GHR: variants seen among roughly 807,000 people sequenced by gnomAD.
GHR encodes growth hormone receptor, also known as GH receptor.
Under a neutral mutation model 67.1 loss-of-function variants are expected in GHR, and 35 were observed. The observed-to-expected ratio is 0.52, with a 90% CI of 0.40 to 0.69. GHR has a LOEUF of 0.69. Ranked by LOEUF, GHR falls within the 30% of genes least tolerant of loss-of-function variation. GHR has a pLI of 0.00. For synonymous variants in GHR, 272 were observed against 269.1 expected (o/e 1.01, Z -0.10); for missense variants, 792 against 764.6 (o/e 1.04, Z -0.42).
rs1758842528 is a variant in GHR at position 42,718,566 on chromosome 5, A to G, written c.1059A>G (p.Pro353=). The change falls in exon 10 of 10, where the codon CCA becomes CCG. Residue 353 remains proline, a synonymous_variant. Transcript: ENST00000230882. ...VEFIELDIDE[P]DEKTEESDTD... ...TTATTGAGCTAGATATTGATGAGCC[A>G]GATGAAAAGACTGAGGAATCAGACA... The G allele has an allele frequency of 1.2e-6, 2 of 1,614,058 alleles. No individual in the cohort carries two copies. Among genetic ancestry groups the G allele is most frequent in the African/African-American group, 2.7e-5 (2 of 74,940 alleles).
intron 1 of GHR, among the ~76,000 whole-genome samples, chr5:42,558,006 A>G (rs1479658632): frequency 1.3e-5 from 2 of 152,196 alleles, no homozygotes; most frequent in Non-Finnish European, 1.5e-5. Flanking sequence ...TAGCTTAAAA[A>G]CAGCCCTGAG....
At position 42,688,907 on chromosome 5, in the gene GHR, A is replaced by G. The variant is rs1757288397; in HGVS notation, c.154A>G (p.Lys52Glu). The G allele has an allele frequency of 1.2e-6, 2 of 1,613,708 alleles. No homozygotes were observed. The highest frequency in any genetic ancestry group is 3.3e-5 in the Admixed American group (2 of 60,000). ...TTCTGCAGATTCTTCTAAGGAGCCT[A>G]AATTCACCAAGTGCCGTTCACCTGA... ...GLKTNSSKEP[K>E]FTKCRSPERE... is the part of the protein sequence containing the mutation. Residue 52 changes from lysine to glutamate, a missense_variant, in exon 4 of 10, where the codon AAA becomes GAA. Lys to Glu is a moderately conservative substitution (Grantham distance 56, BLOSUM62 1). Coordinates refer to ENST00000230882, the MANE Select transcript of GHR (RefSeq NM_000163.5).
chr5:42,718,761 A>G lies in GHR; in HGVS notation c.1254A>G (p.Lys418=). The G allele has an allele frequency of 6.2e-7, 1 of 1,614,150 alleles. No individual in the cohort carries two copies. The highest frequency in any genetic ancestry group is 1.3e-5 in the African/African-American group (1 of 75,028). The change falls in exon 10 of 10, where the codon AAA becomes AAG. Residue 418 remains lysine, a synonymous_variant. Coordinates refer to ENST00000230882, the MANE Select transcript of GHR (RefSeq NM_000163.5). ...AGGTTGCTCAGCCACAGAGGTTAAA[A>G]GGGGAAGCAGATCTCTTATGCCTTG... is the stretch of plus-strand genomic sequence containing the variant. The part of the protein sequence containing the change: ...TSEVAQPQRL[K]GEADLLCLDQ...
Position 42,719,317 on chromosome 5 carries a change from C to G in GHR, c.1810C>G (p.Pro604Ala), listed in dbSNP as rs1758903060. 6.2e-7 allele frequency: 1 copy of G among 1,614,024 alleles called. No homozygotes were observed. The highest frequency in any genetic ancestry group is 1.7e-5 in the Admixed American group (1 of 60,004). The change falls in exon 10 of 10, where the codon CCA becomes GCA. Residue 604 changes from proline (P) to alanine (A), a missense_variant. Physicochemically the swap from Pro to Ala is conservative, Grantham distance 27. Transcript: ENST00000230882. ...DYTSIHIVQS[P>A]QGLILNATAL... ...TACCTCCATTCATATAGTACAGTCC[C>G]CACAGGGCCTCATACTCAATGCGAC...
intron 1 of GHR, among the ~76,000 whole-genome samples, chr5:42,477,295 G>C (rs1263714089): frequency 6.6e-6 from 1 of 152,090 alleles, no homozygotes; most frequent in African/African-American, 2.4e-5. Flanking sequence ...TGGACATTTG[G>C]GTTGGTTCCA....
intron 3 of GHR, among the ~76,000 whole-genome samples, chr5:42,634,265 G>A (rs571633341): frequency 1.3e-5 from 2 of 151,990 alleles, no homozygotes; most frequent in Admixed American, 6.6e-5. Context: ...GGTATTTATT[G>A]TATTCTCTTA....
At chr5:42,525,892 T>C (rs965218962) in intron 1 of GHR, among the ~76,000 whole-genome samples, 12 of 152,246 alleles carry the variant, frequency 7.9e-5, no homozygotes, top group African/African-American at 2.7e-4. Context: ...CTGCCATGAT[T>C]TGGAGGGCTC....
At chr5:42,452,913 G>T (rs1336569998) in intron 1 of GHR, among the ~76,000 whole-genome samples, 2 of 151,976 alleles carry the variant, frequency 1.3e-5, no homozygotes, top group Non-Finnish European at 2.9e-5. Flanking sequence ...ATTTCTTCCT[G>T]GTTCGGATCC....
chr5:42,654,821 C>T (rs929454967), intron 3 of GHR, among the ~76,000 whole-genome samples: 8 of 152,094 alleles, frequency 5.3e-5, no homozygotes, highest in South Asian at 2.1e-4. Flanking sequence ...AGGAAGAGCA[C>T]GTACCTACTC....
Position 42,592,439 on chromosome 5 carries a change from C to T in GHR, c.70+26495C>T, listed in dbSNP as rs565037197. Among the ~76,000 whole-genome samples, 20 of 152,302 alleles carry T rather than the reference C, an allele frequency of 1.3e-4. No homozygotes were observed. The South Asian group carries it at 2.7e-3, about 21-fold the overall frequency. ...CCCATCCTCCACCCCCAAGTGGGTG[C>T]CAGTGTCTATTATTCCCTTATTTGT... is the stretch of plus-strand genomic sequence containing the variant. On this transcript the variant is annotated intron_variant, in intron 2 of 9. Coordinates refer to ENST00000230882, the MANE Select transcript of GHR (RefSeq NM_000163.5).
chr5:42,510,409 G>T (rs1746961164), intron 1 of GHR, among the ~76,000 whole-genome samples: 1 of 152,106 alleles, frequency 6.6e-6, no homozygotes, highest in South Asian at 2.1e-4. Flanking sequence ...GGCCTATAAA[G>T]CCCTTTGTGA....
At chr5:42,609,557 G>A (rs1435699000) in intron 2 of GHR, among the ~76,000 whole-genome samples, 1 of 152,102 alleles carries the variant, frequency 6.6e-6, no homozygotes, top group African/African-American at 2.4e-5. Flanking sequence ...TTGGTTCCTA[G>A]CTGTTGGGTA....
intron 1 of GHR, among the ~76,000 whole-genome samples, chr5:42,439,596 G>T (rs1382978057): frequency 6.6e-6 from 1 of 152,208 alleles, no homozygotes; most frequent in Non-Finnish European, 1.5e-5. Context: ...TTTATCTAAA[G>T]ATGGACACTG....
rs1308494632 is a variant in GHR, at chr5:42,712,067, A to G, written c.784+695A>G. 2.0e-5 allele frequency among the ~76,000 whole-genome samples: 3 copies of G among 152,168 alleles called. No individual in the cohort carries two copies. In the East Asian group the frequency reaches 5.8e-4, roughly 29 times the overall value. ...CTGATTAATGATGAGCAGAAAGTAT[A>G]GAGTATTATTATTCTCAAATGGGAA... On this transcript the variant is annotated intron_variant, in intron 7 of 9. Coordinates refer to ENST00000230882, the MANE Select transcript of GHR (RefSeq NM_000163.5).
chr5:42,450,533 T>C (rs1022884730), intron 1 of GHR, among the ~76,000 whole-genome samples: 7 of 152,178 alleles, frequency 4.6e-5, no homozygotes, highest in Admixed American at 4.6e-4. Context: ...ATTTCACTAA[T>C]GGTTTTTCAA....
At chr5:42,432,771 C>G (rs1253744542) in intron 1 of GHR, among the ~76,000 whole-genome samples, 3 of 152,104 alleles carry the variant, frequency 2.0e-5, no homozygotes, top group Non-Finnish European at 2.9e-5. Context: ...GAAAGAGAAG[C>G]AAGAATAAAG....
intron 1 of GHR, among the ~76,000 whole-genome samples, chr5:42,463,485 A>ATT (rs1561317732): frequency 6.6e-6 from 1 of 152,298 alleles, no homozygotes; most frequent in African/African-American, 2.4e-5. Flanking sequence ...TCTGAGAACT[A>ATT]TTTTTTTGTA....
chr5:42,599,509 C>T (rs957792926), intron 2 of GHR, among the ~76,000 whole-genome samples: 13 of 151,778 alleles, frequency 8.6e-5, no homozygotes, highest in South Asian at 2.1e-4. Flanking sequence ...TACAGGTGCC[C>T]ACCACCACAC....
At chr5:42,515,643 G>T (rs2112281242) in intron 1 of GHR, among the ~76,000 whole-genome samples, 1 of 152,334 alleles carries the variant, frequency 6.6e-6, no homozygotes, top group South Asian at 2.1e-4. Flanking sequence ...AATCATTCTT[G>T]AATTAACACT....
Sources: allele counts gnomAD v4.1 joint callset (sites outside exome capture counted in the v4.1 genomes callset), GRCh38; gene constraint gnomAD v4.1.1; transcripts MANE v1.5; gene names NCBI Gene and HGNC (gene_info 2026-07-23, HGNC 2026-07-21).